LRP1B: variants seen among roughly 807,000 people sequenced by gnomAD.
LRP1B encodes the protein LDL receptor related protein 1B.
A neutral mutation model predicts 556.6 loss-of-function variants in LRP1B; 217 were observed. The observed-to-expected ratio is 0.39, with a 90% confidence interval of 0.35 to 0.44. The LOEUF is 0.44. Ranked by LOEUF, LRP1B falls within the 20% of genes least tolerant of loss-of-function variation. The pLI is 1.00. For synonymous variants in LRP1B, 2,047 were observed against 1,865.8 expected, an observed-to-expected ratio of 1.10 and a Z score of -2.50; for missense variants, 5,053 against 5,620.8, an observed-to-expected ratio of 0.90 and a Z score of 3.23.
intron 12 of LRP1B, among the ~76,000 whole-genome samples, chr2:141,019,319 T>C (rs113484067): frequency 0.023 from 3,500 of 152,120 alleles, 69 homozygotes; most frequent in South Asian, 0.035. Flanking sequence ...TAATAAAAAG[T>C]AGTGAAGTTT....
At chr2:140,855,128 T>G (rs529583615) in intron 27 of LRP1B, among the ~76,000 whole-genome samples, 11 of 152,150 alleles carry the variant, frequency 7.2e-5, no homozygotes, top group Non-Finnish European at 1.5e-5. Context: ...TTTAAAACAC[T>G]GTGAAAAAAA....
intron 20 of LRP1B, among the ~76,000 whole-genome samples, chr2:140,943,675 T>C (rs1695463450): frequency 6.6e-6 from 1 of 152,088 alleles, no homozygotes; most frequent in African/African-American, 2.4e-5. Flanking sequence ...GACTAGTGTG[T>C]AAACAACAAA....
At chr2:140,872,419 C>T (rs1444675412) in intron 25 of LRP1B, among the ~76,000 whole-genome samples, 1 of 110,134 alleles carries the variant, frequency 9.1e-6, no homozygotes, top group Non-Finnish European at 1.7e-5. Flanking sequence ...AGAGGCTACT[C>T]TTGGTTTTGT....
chr2:140,749,285 G>T (rs1272367332), intron 35 of LRP1B, among the ~76,000 whole-genome samples: 1 of 151,990 alleles, frequency 6.6e-6, no homozygotes, highest in Non-Finnish European at 1.5e-5. Context: ...GCACACTTAG[G>T]CTACACTAAA....
intron 52 of LRP1B, 31 bp from the exon 53 acceptor site, chr2:140,506,949 G>C (rs367825842): frequency 1.9e-4 from 301 of 1,609,704 alleles, no homozygotes; most frequent in Non-Finnish European, 2.5e-4. Flanking sequence ...AATAAAGTTA[G>C]ATGAGCACAT....
In LRP1B at chr2:140,951,953, TA is replaced by T; in HGVS notation, c.2888-14del. On this transcript the variant is annotated splice_polypyrimidine_tract_variant and intron_variant, in intron 18 of 90. Transcript: ENST00000389484. Reference sequence around the variant, plus strand: ...CAAGTTGGGAATTCTGTGAAAGATATAAAAATGTCCAAAAGGTAACATGTTA... The same window carrying T: ...CAAGTTGGGAATTCTGTGAAAGATATAAAATGTCCAAAAGGTAACATGTTA... 1 of 1,588,084 alleles carries T rather than the reference TA, an allele frequency of 6.3e-7. No individual in the cohort carries two copies. The highest frequency in any genetic ancestry group is 8.6e-7 in the Non-Finnish European group (1 of 1,156,386).
chr2:141,473,119 T>C (rs1056439986), intron 3 of LRP1B, among the ~76,000 whole-genome samples: 1 of 152,148 alleles, frequency 6.6e-6, no homozygotes, highest in Non-Finnish European at 1.5e-5. Flanking sequence ...GCAGTATTAA[T>C]TTAGCAATTA....
chr2:141,929,726 A>T (rs1700434333), intron 1 of LRP1B, among the ~76,000 whole-genome samples: 1 of 151,928 alleles, frequency 6.6e-6, no homozygotes, highest in African/African-American at 2.4e-5. Flanking sequence ...CTTTCTTAGG[A>T]CAGAACGTAT....
At chr2:140,554,854 A>ATG (rs1553485749) in intron 43 of LRP1B, among the ~76,000 whole-genome samples, 5,477 of 146,064 alleles carry the variant, frequency 0.037, 200 homozygotes, top group African/African-American at 0.091. Flanking sequence ...AAGTGTGTGT[A>ATG]TGTGTGTGTG....
intron 41 of LRP1B, among the ~76,000 whole-genome samples, chr2:140,670,544 T>A (rs1191497432): frequency 6.6e-6 from 1 of 152,180 alleles, no homozygotes; most frequent in Non-Finnish European, 1.5e-5. Context: ...CCAGATCCTC[T>A]TTATACTTTA....
At chr2:141,465,394 T>A (rs1465461426) in intron 3 of LRP1B, among the ~76,000 whole-genome samples, 2 of 152,118 alleles carry the variant, frequency 1.3e-5, no homozygotes, top group African/African-American at 2.4e-5. Context: ...CAGAAAGAGA[T>A]GGCTACATCA....
chr2:142,107,794 ATTTTTTTTTTT>A (rs67962280), intron 1 of LRP1B, among the ~76,000 whole-genome samples: 3 of 110,590 alleles, frequency 2.7e-5, no homozygotes, highest in Non-Finnish European at 5.4e-5. Flanking sequence ...CGCCTAGCTA[ATTTTTTTTTTT>A]TTTTTTTTTT....
At chr2:142,001,157 C>T (rs181643644) in intron 1 of LRP1B, among the ~76,000 whole-genome samples, 153 of 152,262 alleles carry the variant, frequency 1.0e-3, no homozygotes, top group Non-Finnish European at 1.8e-3. Context: ...AACTGCAAGT[C>T]CATTAAACCT....
intron 2 of LRP1B, among the ~76,000 whole-genome samples, chr2:141,732,933 T>A (rs771464224): frequency 6.6e-6 from 1 of 152,026 alleles, no homozygotes; most frequent in Non-Finnish European, 1.5e-5. Flanking sequence ...AAGTGAGGAA[T>A]CTTGGCATCA....
At chr2:140,943,494 A>G (rs572973866) in intron 20 of LRP1B, among the ~76,000 whole-genome samples, 1 of 152,210 alleles carries the variant, frequency 6.6e-6, no homozygotes, top group East Asian at 1.9e-4. Context: ...GCAGTCAAAC[A>G]TAATCTAAGA....
At chr2:141,620,886 A>G (rs1235210405) in intron 2 of LRP1B, among the ~76,000 whole-genome samples, 1 of 152,046 alleles carries the variant, frequency 6.6e-6, no homozygotes, top group Non-Finnish European at 1.5e-5. Flanking sequence ...GTTTCCAGAC[A>G]TTGGCAGAAA....
intron 77 of LRP1B, among the ~76,000 whole-genome samples, chr2:140,338,457 C>A (rs1472905732): frequency 1.3e-5 from 2 of 151,658 alleles, no homozygotes; most frequent in African/African-American, 2.4e-5. Flanking sequence ...CAGAAGGTGA[C>A]AACATATTAA....
chr2:140,902,158 AGTTCCT>A (rs769098094), intron 23 of LRP1B, among the ~76,000 whole-genome samples: 5 of 152,154 alleles, frequency 3.3e-5, no homozygotes, highest in Non-Finnish European at 1.5e-5. Context: ...TCCCAAACAA[AGTTCCT>A]GAATCTCTTC....
chr2:140,486,778 G>C (rs1348826281), intron 58 of LRP1B, among the ~76,000 whole-genome samples: 1 of 151,698 alleles, frequency 6.6e-6, no homozygotes. Context: ...CCATTATATA[G>C]TGATCTTTTA....
Sources: gnomAD v4.1 joint callset for allele counts (sites outside exome capture counted in the v4.1 genomes callset) on GRCh38, gnomAD v4.1.1 for gene constraint, MANE v1.5 for transcripts, NCBI Gene and HGNC (gene_info 2026-07-23, HGNC 2026-07-21) for gene names.